ATXN7L1: variants seen among roughly 807,000 people sequenced by gnomAD.
ATXN7L1 encodes the protein ataxin-7-like protein 1.
A neutral mutation model predicts 70.8 loss-of-function variants in ATXN7L1; 15 were observed. The observed-to-expected ratio is 0.21, with a 90% CI of 0.14 to 0.33. ATXN7L1 has a LOEUF of 0.33. Among genes scored for constraint, ATXN7L1 ranks in the 10% least tolerant of loss-of-function variants. The probability of loss-of-function intolerance (pLI) is 1.00; values close to 1 mark genes in which losing one functional copy is unlikely to be tolerated. For missense variants in ATXN7L1, 975 were observed against 1,097.1 expected (o/e 0.89, Z 1.57); for synonymous variants, 440 against 445.1 (o/e 0.99, Z 0.14).
intron 3 of ATXN7L1, among the ~76,000 whole-genome samples, chr7:105,767,121 C>T (rs567973700): frequency 1.3e-5 from 2 of 152,158 alleles, no homozygotes; most frequent in Non-Finnish European, 2.9e-5. Context: ...AGGGGAATGA[C>T]TCCAGAGCAG....
chr7:105,793,302 T>C (rs1805520075), intron 2 of ATXN7L1, among the ~76,000 whole-genome samples: 1 of 152,164 alleles, frequency 6.6e-6, no homozygotes, highest in African/African-American at 2.4e-5. Context: ...TCTCTGAAAA[T>C]GGCTAACAGT....
intron 2 of ATXN7L1, among the ~76,000 whole-genome samples, chr7:105,864,300 C>CA (rs77624654): frequency 0.31 from 45,967 of 149,902 alleles, 7,562 homozygotes; most frequent in South Asian, 0.5. Context: ...TACTAAAAGT[C>CA]AAAAAAAATT....
chr7:105,705,132 C>T (rs999745364), intron 3 of ATXN7L1, among the ~76,000 whole-genome samples: 4 of 152,076 alleles, frequency 2.6e-5, no homozygotes, highest in Non-Finnish European at 5.9e-5. Flanking sequence ...TCAAACAATT[C>T]TCCTGCCTCA....
At chr7:105,762,656 C>T (rs994946586) in intron 3 of ATXN7L1, among the ~76,000 whole-genome samples, 5 of 152,156 alleles carry the variant, frequency 3.3e-5, no homozygotes, top group African/African-American at 4.8e-5. Flanking sequence ...GTCAATGATT[C>T]TTGTGCTTTT....
intron 2 of ATXN7L1, among the ~76,000 whole-genome samples, chr7:105,849,639 T>C (rs1814588609): frequency 6.6e-6 from 1 of 152,254 alleles, no homozygotes; most frequent in South Asian, 2.1e-4. Context: ...GTGCTGTATG[T>C]TGATTTTCCT....
chr7:105,848,786 T>C lies in ATXN7L1; in HGVS notation c.250+27026A>G, dbSNP rs190273284. Among the ~76,000 whole-genome samples, 22 of 152,274 alleles carry C rather than the reference T, an allele frequency of 1.4e-4. No individual in the cohort carries two copies. In the East Asian group the frequency reaches 2.9e-3, roughly 20 times the overall value. On this transcript the variant is annotated intron_variant, in intron 2 of 11. Transcript: ENST00000419735. ...TCATGGAGGTCCAGGCCCTCCATGA[T>C]TGCAGCTCCGTGCACCCAGCCTAGA...
Position 105,605,665 on chromosome 7 carries a change from G to A in ATXN7L1, c.*2187C>T, listed in dbSNP as rs1792735611. On this transcript the variant is annotated 3_prime_UTR_variant, in exon 12 of 12. Coordinates refer to ENST00000419735, the MANE Select transcript of ATXN7L1 (RefSeq NM_020725.2). Reference sequence around the variant, plus strand: ...ATAAATCAGAGGGTTATTTTGTTGTGGAGATTTTGTTTTTTGTTTTTACTC... The same window carrying A: ...ATAAATCAGAGGGTTATTTTGTTGTAGAGATTTTGTTTTTTGTTTTTACTC... The A allele has an allele frequency of 6.6e-6, 1 of 152,000 alleles. No homozygotes were observed. The allele number at this position is 152,000 out of a possible 1,614,324, so 9.4% of individuals were successfully genotyped here.
At chr7:105,760,146 T>C in intron 3 of ATXN7L1, 2 of 953,700 alleles carry the variant, frequency 2.1e-6, no homozygotes, top group South Asian at 4.8e-5. Context: ...TCACTCATAC[T>C]GGCCCCCTAA....
At chr7:105,832,305 G>A (rs532549557) in intron 2 of ATXN7L1, among the ~76,000 whole-genome samples, 3 of 152,172 alleles carry the variant, frequency 2.0e-5, no homozygotes, top group East Asian at 1.9e-4. Flanking sequence ...TCTGCAATTC[G>A]GAAACTCAAG....
rs903387368 is a variant in ATXN7L1, at chr7:105,777,175, C to T, written c.355+11429G>A. Among the ~76,000 whole-genome samples the T allele has an allele frequency of 4.6e-5, 7 of 152,142 alleles. 1 individual carries two copies. Among genetic ancestry groups the T allele is most frequent in the African/African-American group, 1.7e-4 (7 of 41,428 alleles). ...CTGCACAGTAATCAGTGCTATAGGT[C>T]ACAGAGATGCAGAGGGCAAAGGAGC... On this transcript the variant is annotated intron_variant, in intron 3 of 11. Transcript: ENST00000419735.
chr7:105,783,268 T>C (rs1430983387), intron 3 of ATXN7L1, among the ~76,000 whole-genome samples: 1 of 152,208 alleles, frequency 6.6e-6, no homozygotes, highest in African/African-American at 2.4e-5. Context: ...AGGAAACATA[T>C]ATTTGGTCTT....
chr7:105,733,772 G>GTCCATCCA (rs1796999283), intron 3 of ATXN7L1, among the ~76,000 whole-genome samples: 1 of 36,170 alleles, frequency 2.8e-5, no homozygotes, highest in African/African-American at 1.3e-4. Context: ...CCCTCCATCC[G>GTCCATCCA]TCCACCCATC....
rs1490360884 is a variant in ATXN7L1, at chr7:105,716,234, C to T, written c.356-50946G>A. ...CTTCATTATATAAATTCATTATATA[C>T]TTATTATATATTTCATTATATAAAT... On this transcript the variant is annotated intron_variant, in intron 3 of 11. Coordinates refer to ENST00000419735, the MANE Select transcript of ATXN7L1 (RefSeq NM_020725.2). Among the ~76,000 whole-genome samples, 3 of 152,042 alleles carry T rather than the reference C, an allele frequency of 2.0e-5. No individual in the cohort carries two copies. The East Asian group carries it at 5.8e-4, about 29-fold the overall frequency.
Position 105,875,771 on chromosome 7 carries a change from G to T in ATXN7L1, c.250+41C>A, listed in dbSNP as rs573583293. 1.2e-5 allele frequency: 18 copies of T among 1,558,146 alleles called. No homozygotes were observed. The East Asian group carries it at 3.4e-4, about 29-fold the overall frequency. On this transcript the variant is annotated intron_variant, in intron 2 of 11. Transcript: ENST00000419735. ...ATATTCGAAATCCTGTGAAGATTCT[G>T]CCACACATGCTAACACTAAAATGCC...
rs1342893127 is a variant in ATXN7L1, at chr7:105,613,870, A to G, written c.2464T>C (p.Ser822Pro). The stretch of plus-strand genomic sequence containing the variant: ...GCCAGGAGGTCCCTTACCTGCCGAG[A>G]GGAGGTGCTGTTAACGGGATCGGGC... Reference protein sequence around the residue: ...PVPDPVNSTSSRQVGKNSSLA... With the variant: ...PVPDPVNSTSPRQVGKNSSLA... Residue 822 changes from serine (S) to proline (P), a missense_variant, in exon 10 of 12, where the codon TCT becomes CCT. Coordinates refer to ENST00000419735, the MANE Select transcript of ATXN7L1 (RefSeq NM_020725.2). 1 of 1,551,846 alleles carries G rather than the reference A, an allele frequency of 6.4e-7. No homozygotes were observed. Among genetic ancestry groups the G allele is most frequent in the African/African-American group, 1.4e-5 (1 of 73,060 alleles).
chr7:105,742,844 G>C (rs1434026100), intron 3 of ATXN7L1, among the ~76,000 whole-genome samples: 4 of 151,992 alleles, frequency 2.6e-5, no homozygotes, highest in Non-Finnish European at 5.9e-5. Flanking sequence ...GCACAGCCTG[G>C]GCCCTCCTCC....
At chr7:105,761,125 T>A in intron 3 of ATXN7L1, 3 of 1,168,304 alleles carry the variant, frequency 2.6e-6, no homozygotes, top group East Asian at 4.3e-5. Flanking sequence ...CAGGTGGGAA[T>A]TGATGGCAGC....
At chr7:105,691,731 AAAC>A (rs1488979486) in intron 3 of ATXN7L1, 1 of 152,148 alleles carries the variant, frequency 6.6e-6, no homozygotes, top group Admixed American at 6.5e-5. Context: ...CGCAACGACT[AAAC>A]AACAACAAAA....
chr7:105,754,397 CT>C (rs1397368738), intron 3 of ATXN7L1, among the ~76,000 whole-genome samples: 22 of 150,750 alleles, frequency 1.5e-4, no homozygotes, highest in South Asian at 2.1e-4. Context: ...TCTTTTCTTT[CT>C]TTCTTTTTTT....
Sources: allele counts gnomAD v4.1 joint callset (sites outside exome capture counted in the v4.1 genomes callset), GRCh38; gene constraint gnomAD v4.1.1; transcripts MANE v1.5; gene names NCBI Gene and HGNC (gene_info 2026-07-23, HGNC 2026-07-21).